Variants in POLR2M observed in about 807,000 individuals in gnomAD.
POLR2M encodes protein GRINL1A.
A neutral mutation model predicts 34.6 loss-of-function variants in POLR2M; 30 were observed. The observed-to-expected ratio is 0.87, with a 90% CI of 0.65 to 1.18. The LOEUF is 1.18. POLR2M is among the 50% of genes most tolerant of loss of function. The probability of loss-of-function intolerance (pLI) is 0.00; values close to 1 mark genes in which losing one functional copy is unlikely to be tolerated. For synonymous variants in POLR2M, 150 were observed against 166.7 expected, an observed-to-expected ratio of 0.90 and a Z score of 0.77; for missense variants, 432 against 448.7, an observed-to-expected ratio of 0.96 and a Z score of 0.34.
chr15:57,709,421 C>G lies in POLR2M; in HGVS notation c.758+63C>G, dbSNP rs1374098856. On this transcript the variant is annotated intron_variant, in intron 2 of 3. Transcript: ENST00000299638. The stretch of plus-strand genomic sequence containing the variant: ...GATATTTGTTAAACTCAAAAATTTA[C>G]GAGAAACTGGGTGTGGTGGTGCTTG... 6.5e-6 allele frequency: 10 copies of G among 1,536,170 alleles called. No individual in the cohort carries two copies. In the South Asian group the frequency reaches 1.0e-4, roughly 16 times the overall value.
At chr15:57,712,302 G>A (rs2040757948) in intron 3 of POLR2M, 114 bp downstream of exon 3, 1 of 1,247,414 alleles carries the variant, frequency 8.0e-7, no homozygotes, top group African/African-American at 1.5e-5. Flanking sequence ...GTGCTTCCAT[G>A]AGCTCAGATC....
In POLR2M at chr15:57,714,523, C is replaced by G; in HGVS notation, c.964-13C>G. On this transcript the variant is annotated splice_polypyrimidine_tract_variant and intron_variant, in intron 3 of 3. Coordinates refer to ENST00000299638, the MANE Select transcript of POLR2M (RefSeq NM_015532.5). ...TGAACGTGTAACTTTGTGCTTTGCT[C>G]TTTGTTTTAAAGGAGATGCAAGCAA... The G allele has an allele frequency of 6.2e-7, 1 of 1,611,990 alleles. No homozygotes were observed. Among genetic ancestry groups the G allele is most frequent in the Non-Finnish European group, 8.5e-7 (1 of 1,179,306 alleles).
At chr15:57,709,424 G>C in intron 2 of POLR2M, 66 bp downstream of exon 2, 1 of 1,532,994 alleles carries the variant, frequency 6.5e-7, no homozygotes, top group South Asian at 1.3e-5. Context: ...AAATTTACGA[G>C]AAACTGGGTG....
chr15:57,711,861 ATTAC>A (rs2040732415), intron 2 of POLR2M, 119 bp from the exon 3 acceptor site: 1 of 1,175,364 alleles, frequency 8.5e-7, no homozygotes, highest in Non-Finnish European at 1.2e-6. Context: ...ATACTGGTAA[ATTAC>A]TTACTGTTAC....
intron 1 of POLR2M, chr15:57,707,512 A>G (rs992393865): frequency 2.9e-5 from 14 of 485,574 alleles, no homozygotes; most frequent in Non-Finnish European, 5.7e-5. Context: ...TTGAAGGAAT[A>G]AAAAGCAGAA....
intron 3 of POLR2M, among the ~76,000 whole-genome samples, chr15:57,713,686 A>G (rs2040827158): frequency 6.6e-6 from 1 of 152,158 alleles, no homozygotes; most frequent in South Asian, 2.1e-4. Flanking sequence ...TTGGAGAGGA[A>G]TAGTCAGCTT....
intron 3 of POLR2M, among the ~76,000 whole-genome samples, chr15:57,712,905 C>T (rs2040791046): frequency 6.6e-6 from 1 of 152,176 alleles, no homozygotes; most frequent in Admixed American, 6.5e-5. Flanking sequence ...TCCAGGAGAA[C>T]AGTATCCTGT....
At chr15:57,714,168 A>T (rs1440210901) in intron 3 of POLR2M, among the ~76,000 whole-genome samples, 1 of 152,138 alleles carries the variant, frequency 6.6e-6, no homozygotes. Flanking sequence ...CATTTTTGAC[A>T]TTTGATAGGT....
chr15:57,709,695 C>T (rs1003668229), intron 2 of POLR2M, among the ~76,000 whole-genome samples: 7 of 152,090 alleles, frequency 4.6e-5, no homozygotes, highest in Admixed American at 3.9e-4. Flanking sequence ...ACCAAATAAT[C>T]GACAAGGTCT....
chr15:57,708,670 A>T (rs764719241), intron 1 of POLR2M, 44 bp from the exon 2 acceptor site: 4 of 1,483,382 alleles, frequency 2.7e-6, no homozygotes, highest in East Asian at 2.3e-5. Flanking sequence ...ATCTCAAGTT[A>T]AAAAAATGGC....
chr15:57,714,502 C>G (rs764468906), intron 3 of POLR2M, 34 bp from the exon 4 acceptor site: 1 of 1,609,154 alleles, frequency 6.2e-7, no homozygotes, highest in South Asian at 1.1e-5. Context: ...GAGATGTGAA[C>G]GTGTAACTTT....
At chr15:57,711,368 G>T (rs1008170843) in intron 2 of POLR2M, among the ~76,000 whole-genome samples, 1 of 152,140 alleles carries the variant, frequency 6.6e-6, no homozygotes, top group African/African-American at 2.4e-5. Flanking sequence ...ATGGAAATCC[G>T]AACTTGTTAC....
At chr15:57,712,954 G>A (rs1318911673) in intron 3 of POLR2M, among the ~76,000 whole-genome samples, 2 of 152,090 alleles carry the variant, frequency 1.3e-5, no homozygotes, top group Admixed American at 6.5e-5. Flanking sequence ...TTTTAGTCAG[G>A]TACTAGTGCA....
In POLR2M at chr15:57,709,142, C is replaced by A. The variant is rs186295545; in HGVS notation, c.542C>A (p.Ala181Glu). The A allele has an allele frequency of 6.2e-7, 1 of 1,614,170 alleles. No homozygotes were observed. Among genetic ancestry groups the A allele is most frequent in the East Asian group, 2.2e-5 (1 of 44,888 alleles). The change falls in exon 2 of 4, where the codon GCG (alanine) becomes GAG (glutamate). Residue 181 changes from alanine (A) to glutamate (E), a missense_variant. By Grantham distance (107) the Ala-to-Glu change is moderately radical. Transcript: ENST00000299638. ...CCGCGGCATCGTGTTTCAAGTCAAGCGGAAGATACTTCCAGCAGCTTTGAC... is the reference window on the plus strand; with the variant it reads ...CCGCGGCATCGTGTTTCAAGTCAAGAGGAAGATACTTCCAGCAGCTTTGAC... ...HHPRHRVSSQ[A>E]EDTSSSFDNL...
intron 2 of POLR2M, among the ~76,000 whole-genome samples, chr15:57,710,314 C>G (rs2040658470): frequency 6.6e-6 from 1 of 152,196 alleles, no homozygotes; most frequent in Non-Finnish European, 1.5e-5. Flanking sequence ...TATTTACTTG[C>G]AGCAAATGTA....
intron 2 of POLR2M, among the ~76,000 whole-genome samples, chr15:57,710,486 A>G (rs1243306466): frequency 6.6e-6 from 1 of 152,208 alleles, no homozygotes; most frequent in African/African-American, 2.4e-5. Context: ...CTACCCCAGC[A>G]TTCATTTTAA....
intron 1 of POLR2M, among the ~76,000 whole-genome samples, 186 bp from the exon 2 acceptor site, chr15:57,708,528 T>C (rs1479336470): frequency 6.6e-6 from 1 of 152,214 alleles, no homozygotes; most frequent in Non-Finnish European, 1.5e-5. Flanking sequence ...CATTCCCTTG[T>C]TTTTTGGGCT....
At position 57,714,569 on chromosome 15, in the gene POLR2M, G is replaced by C; in HGVS notation, c.997G>C (p.Ala333Pro). The C allele has an allele frequency of 6.2e-7, 1 of 1,613,856 alleles. No individual in the cohort carries two copies. The highest frequency in any genetic ancestry group is 8.5e-7 in the Non-Finnish European group (1 of 1,179,852). ...MQAKLAAQKL[A>P]ERLNIKMRSY... ...AGCAAAGCTCGCAGCGCAAAAATTA[G>C]CTGAAAGACTGAATATTAAAATGCG... Residue 333 changes from alanine (A) to proline (P), a missense_variant, in exon 4 of 4, where the codon GCT becomes CCT. Ala to Pro is a conservative substitution (Grantham distance 27, BLOSUM62 -1). Transcript: ENST00000299638.
intron 3 of POLR2M, among the ~76,000 whole-genome samples, chr15:57,713,430 TG>T (rs1389817672): frequency 7.4e-6 from 1 of 135,972 alleles, no homozygotes; most frequent in Non-Finnish European, 1.5e-5. Flanking sequence ...ATCTTTAAAT[TG>T]TTTTTTTTTA....
Sources: allele counts gnomAD v4.1 joint callset (sites outside exome capture counted in the v4.1 genomes callset), GRCh38; gene constraint gnomAD v4.1.1; transcripts MANE v1.5; gene names NCBI Gene and HGNC (gene_info 2026-07-23, HGNC 2026-07-21).